Variants in HUWE1 observed in about 807,000 individuals in gnomAD.
HUWE1 encodes the protein HECT, UBA and WWE domain containing E3 ubiquitin protein ligase 1, also known as E3 ubiquitin-protein ligase HUWE1.
Under a neutral mutation model 299.4 loss-of-function variants are expected in HUWE1, and 18 were observed. The ratio of observed to expected loss-of-function variants is 0.06; its 90% CI spans 0.04 to 0.09. The LOEUF is 0.09. HUWE1 is among the 10% of genes least tolerant of loss of function. The probability of loss-of-function intolerance (pLI) is 1.00; values close to 1 mark genes in which losing one functional copy is unlikely to be tolerated. For synonymous variants in HUWE1, 1,317 were observed against 1,286.1 expected, an observed-to-expected ratio of 1.02 and a Z score of -0.51; for missense variants, 1,832 against 3,462.3, an observed-to-expected ratio of 0.53 and a Z score of 11.82.
chrX:53,594,445 C>G, intron 31 of HUWE1, 54 bp downstream of exon 31: 1 of 1,184,296 alleles, frequency 8.4e-7, no homozygotes, highest in Non-Finnish European at 1.1e-6. Context: ...GGAAGGCACA[C>G]AGCAAAGATC....
At chrX:53,580,302 A>C (rs2063553963) in intron 43 of HUWE1, among the ~76,000 whole-genome samples, 1 of 112,135 alleles carries the variant, frequency 8.9e-6, no homozygotes, top group East Asian at 2.8e-4. Flanking sequence ...TTATCTCTCT[A>C]GTCTACTTTT....
intron 11 of HUWE1, 71 bp from the exon 12 acceptor site, chrX:53,631,105 T>G: frequency 1.5e-6 from 1 of 673,326 alleles, no homozygotes; most frequent in Non-Finnish European, 2.4e-6. Context: ...GAGGGCTAAC[T>G]CAAAAAACAA....
Position 53,565,053 on chromosome X carries a change from C to T in HUWE1, c.6880+14G>A. The stretch of plus-strand genomic sequence containing the variant: ...TACTCCCACCTCTCCAGTCCATTGG[C>T]TCTGATTCCCTACCTGGGTCCTGCT... On this transcript the variant is annotated intron_variant, in intron 50 of 83. Coordinates refer to ENST00000262854, the MANE Select transcript of HUWE1 (RefSeq NM_031407.7). 1.7e-6 allele frequency: 2 copies of T among 1,206,760 alleles called. No individual in the cohort carries two copies. The highest frequency in any genetic ancestry group is 1.7e-5 in the African/African-American group (1 of 57,772).
intron 18 of HUWE1, 104 bp downstream of exon 18, chrX:53,625,053 C>A: frequency 1.8e-6 from 1 of 571,157 alleles, no homozygotes. Context: ...ATGGCCTTTA[C>A]CAAAGACTGC....
At chrX:53,546,260 G>A (rs1264801892) in intron 70 of HUWE1, among the ~76,000 whole-genome samples, 176 bp downstream of exon 70, 1 of 111,580 alleles carries the variant, frequency 9.0e-6, no homozygotes, top group Non-Finnish European at 1.9e-5. Context: ...ACTGAGCAGA[G>A]GAAAACAGAT....
rs782740424 is a variant in HUWE1 at position 53,548,246 on chromosome X, G to A, written c.10063C>T (p.Arg3355Trp). The A allele has an allele frequency of 2.5e-6, 3 of 1,210,021 alleles. No individual in the cohort carries two copies. The highest frequency in any genetic ancestry group is 2.2e-5 in the Admixed American group (1 of 45,976). Reference protein sequence around the residue: ...KVFPSHFTQQRTKETNCESDR... With the variant: ...KVFPSHFTQQWTKETNCESDR... ...CTCTCACAGTTTGTTTCTTTGGTCC[G>A]CTGCTGTGTGAAGTGGCTGGGAAAT... Residue 3355 changes from arginine (R) to tryptophan (W), a missense_variant, in exon 68 of 84, where the codon CGG (arginine) becomes TGG (tryptophan). This residue lies in a region of HUWE1 where 80 missense variants were observed against 142.1 expected (regional missense o/e 0.56). Coordinates refer to ENST00000262854, the MANE Select transcript of HUWE1 (RefSeq NM_031407.7).
chrX:53,593,638 T>A (rs2064279334), intron 31 of HUWE1, 37 bp from the exon 32 acceptor site: 7 of 1,070,107 alleles, frequency 6.5e-6, no homozygotes, highest in Non-Finnish European at 9.1e-6. Context: ...AGAATATTAG[T>A]ATTTTACCCT....
intron 2 of HUWE1, chrX:53,684,154 A>G: frequency 4.1e-6 from 1 of 243,412 alleles, no homozygotes; most frequent in Non-Finnish European, 7.4e-6. Context: ...AACCTAACGA[A>G]GCAGTGAGGG....
At chrX:53,637,885 C>T (rs1305054110) in intron 7 of HUWE1, among the ~76,000 whole-genome samples, 3 of 111,595 alleles carry the variant, frequency 2.7e-5, no homozygotes, top group African/African-American at 6.5e-5. Flanking sequence ...GTTTGTTTCG[C>T]TGCCAACAAA....
chrX:53,552,892 G>C lies in HUWE1; in HGVS notation c.8496C>G (p.Thr2832=), dbSNP rs1556930668. 1.7e-6 allele frequency: 2 copies of C among 1,211,668 alleles called. No homozygotes were observed. Among genetic ancestry groups the C allele is most frequent in the Admixed American group, 4.3e-5 (2 of 46,071 alleles). Residue 2832 remains threonine, a splice_region_variant and synonymous_variant, in exon 62 of 84, where the codon ACC becomes ACG. Transcript: ENST00000262854. ...CCTCAGCTCTCTCTGGGGAAAGTGA[G>C]GCTAGGAAGAAGTTGCAGGGAGAGG... ...QMELSPAPTI[T]SLSPERAEDS...
intron 60 of HUWE1, chrX:53,556,215 A>G (rs2062009858): frequency 2.9e-6 from 1 of 342,765 alleles, no homozygotes; most frequent in Non-Finnish European, 5.9e-6. Flanking sequence ...CACTGCTAAG[A>G]CTAAGTGTGA....
chrX:53,648,399 CA>C, intron 4 of HUWE1, 89 bp from the exon 5 acceptor site: 1 of 540,085 alleles, frequency 1.9e-6, no homozygotes. Context: ...TAAGCTCACA[CA>C]GCAATTTTCC....
chrX:53,599,968 C>A, intron 29 of HUWE1, 150 bp downstream of exon 29: 1 of 518,210 alleles, frequency 1.9e-6, no homozygotes. Context: ...AAGCCTGTCA[C>A]ATAGCAGCCA....
At chrX:53,613,265 TA>T (rs2065601084) in intron 23 of HUWE1, among the ~76,000 whole-genome samples, 1 of 111,717 alleles carries the variant, frequency 9.0e-6, no homozygotes, top group Non-Finnish European at 1.9e-5. Flanking sequence ...TGCCTCTCCT[TA>T]AAACACTTGA....
At chrX:53,601,515 T>C (rs1305517810) in intron 28 of HUWE1, among the ~76,000 whole-genome samples, 2 of 110,073 alleles carry the variant, frequency 1.8e-5, no homozygotes, top group Admixed American at 9.7e-5. Context: ...ATTATCTTCA[T>C]TGCTTTCTTA....
chrX:53,686,064 G>C (rs1208428075), intron 2 of HUWE1, among the ~76,000 whole-genome samples: 1 of 112,506 alleles, frequency 8.9e-6, no homozygotes, highest in Admixed American at 9.3e-5. Context: ...CAAGCAGTTA[G>C]TCGAAATGAA....
intron 70 of HUWE1, 104 bp from the exon 71 acceptor site, chrX:53,545,265 A>G (rs2061497276): frequency 2.5e-6 from 2 of 798,845 alleles, no homozygotes. Flanking sequence ...TTCATTGCTC[A>G]GCTGCAGAGA....
At chrX:53,540,012 T>A (rs1029423820) in intron 74 of HUWE1, among the ~76,000 whole-genome samples, 200 bp from the exon 75 acceptor site, 4 of 112,028 alleles carry the variant, frequency 3.6e-5, no homozygotes, top group Admixed American at 9.5e-5. Flanking sequence ...ATAAATAAAA[T>A]AATGAATCTG....
At chrX:53,593,941 A>C (rs1306347188) in intron 31 of HUWE1, among the ~76,000 whole-genome samples, 2 of 110,529 alleles carry the variant, frequency 1.8e-5, no homozygotes, top group African/African-American at 6.6e-5. Context: ...TACTAAATAT[A>C]CAAAAATTAG....
Sources: gnomAD v4.1 joint callset for allele counts (sites outside exome capture counted in the v4.1 genomes callset) on GRCh38, gnomAD v4.1.1 for gene constraint, gnomAD v4.1.1 regional missense constraint, MANE v1.5 for transcripts, NCBI Gene and HGNC (gene_info 2026-07-23, HGNC 2026-07-21) for gene names.